SCAMP1: variants seen among roughly 807,000 people sequenced by gnomAD.
SCAMP1 encodes the protein secretory carrier membrane protein 1.
SCAMP1 carries 15 observed loss-of-function variants against 41.8 expected under a neutral mutation model. That is an observed-to-expected ratio of 0.36 (90% CI 0.24 to 0.55). SCAMP1 has a LOEUF of 0.55. SCAMP1 is among the 20% of genes least tolerant of loss of function. The pLI, the probability that SCAMP1 is intolerant of heterozygous loss-of-function variation, is 0.86. For missense variants in SCAMP1, 341 were observed against 412.6 expected, an observed-to-expected ratio of 0.83 and a Z score of 1.50; for synonymous variants, 135 against 136.8, an observed-to-expected ratio of 0.99 and a Z score of 0.09.
intron 2 of SCAMP1, among the ~76,000 whole-genome samples, chr5:78,393,058 T>C (rs574322261): frequency 6.6e-6 from 1 of 152,316 alleles, no homozygotes; most frequent in Non-Finnish European, 1.5e-5. Context: ...ATTTAGAAAG[T>C]TCCTGCCCTG....
chr5:78,372,549 TAA>T (rs11301637), intron 1 of SCAMP1, among the ~76,000 whole-genome samples: 1 of 149,154 alleles, frequency 6.7e-6, no homozygotes, highest in Non-Finnish European at 1.5e-5. Flanking sequence ...GCTCAGATAT[TAA>T]AAAAAAAAAT....
chr5:78,476,581 T>G lies in SCAMP1; in HGVS notation c.*913T>G, dbSNP rs1436088450. ...ACTAAGATTGTGTCTGGCAGCTCTT[T>G]TTTGGGGATGTGTGTGTGTGATTTT... On this transcript the variant is annotated 3_prime_UTR_variant, in exon 9 of 9. Coordinates refer to ENST00000621999, the MANE Select transcript of SCAMP1 (RefSeq NM_004866.6). 1 of 152,540 alleles carries G rather than the reference T, an allele frequency of 6.6e-6. No homozygotes were observed. The allele number at this position is 152,540 out of a possible 1,614,324, so 9.4% of individuals were successfully genotyped here. A position where few individuals can be genotyped will look rare whatever the true frequency, so the allele number is the denominator to read the frequency against.
intron 7 of SCAMP1, among the ~76,000 whole-genome samples, chr5:78,451,672 G>GAAA: frequency 6.6e-6 from 1 of 152,034 alleles, no homozygotes; most frequent in Non-Finnish European, 1.5e-5. Context: ...TTGATTGATT[G>GAAA]ATTGAGACAG....
At chr5:78,408,194 TG>T (rs1448517580) in intron 2 of SCAMP1, among the ~76,000 whole-genome samples, 1 of 152,026 alleles carries the variant, frequency 6.6e-6, no homozygotes, top group African/African-American at 2.4e-5. Flanking sequence ...ACAATCATGG[TG>T]GGAGGTGAAG....
chr5:78,418,106 C>T (rs983715771), intron 4 of SCAMP1, among the ~76,000 whole-genome samples: 1 of 151,824 alleles, frequency 6.6e-6, no homozygotes, highest in Non-Finnish European at 1.5e-5. Context: ...TTTCCCTTTA[C>T]AGTTTGAATT....
chr5:78,418,952 G>T (rs761931244), intron 5 of SCAMP1, 49 bp downstream of exon 5: 10 of 1,467,092 alleles, frequency 6.8e-6, no homozygotes, highest in Non-Finnish European at 9.2e-6. Context: ...TATTTTTGTT[G>T]TCAAAATCCG....
intron 1 of SCAMP1, 34 bp from the exon 2 acceptor site, chr5:78,388,803 T>G: frequency 1.8e-6 from 2 of 1,118,784 alleles, no homozygotes; most frequent in South Asian, 2.8e-5. Flanking sequence ...AAAGGATAAG[T>G]AATCTTTTTT....
intron 1 of SCAMP1, among the ~76,000 whole-genome samples, chr5:78,379,476 G>A (rs553509648): frequency 1.3e-5 from 2 of 152,224 alleles, no homozygotes; most frequent in South Asian, 4.1e-4. Flanking sequence ...TTGGTATATT[G>A]TGTACATGCT....
chr5:78,463,765 T>A (rs1753673238), intron 8 of SCAMP1, among the ~76,000 whole-genome samples: 1 of 152,140 alleles, frequency 6.6e-6, no homozygotes, highest in Admixed American at 6.5e-5. Flanking sequence ...TAAAATTAGG[T>A]TGTGTAGATA....
At chr5:78,471,211 T>C (rs774050457) in intron 8 of SCAMP1, among the ~76,000 whole-genome samples, 3 of 152,148 alleles carry the variant, frequency 2.0e-5, no homozygotes, top group Non-Finnish European at 4.4e-5. Flanking sequence ...GGATTGGCGG[T>C]ACTCTCAATA....
chr5:78,360,642 G>A lies in SCAMP1; in HGVS notation c.-30G>A. Reference sequence around the variant, plus strand: ...GCCTCGTCTCTCTCTCTGCGCCTGGGTCGGGTGGGTGACGCCGAGAGCCAG... The same window carrying A: ...GCCTCGTCTCTCTCTCTGCGCCTGGATCGGGTGGGTGACGCCGAGAGCCAG... On this transcript the variant is annotated 5_prime_UTR_variant, in exon 1 of 9. Transcript: ENST00000621999. The A allele has an allele frequency of 1.9e-6, 3 of 1,597,306 alleles. No homozygotes were observed. The highest frequency in any genetic ancestry group is 2.6e-6 in the Non-Finnish European group (3 of 1,172,754).
At chr5:78,363,545 G>A (rs1016181576) in intron 1 of SCAMP1, among the ~76,000 whole-genome samples, 1 of 152,216 alleles carries the variant, frequency 6.6e-6, no homozygotes, top group Non-Finnish European at 1.5e-5. Context: ...AGTATTTGAA[G>A]ATAAAGCTCT....
At chr5:78,434,474 C>T (rs1752695059) in intron 6 of SCAMP1, among the ~76,000 whole-genome samples, 1 of 152,080 alleles carries the variant, frequency 6.6e-6, no homozygotes, top group African/African-American at 2.4e-5. Context: ...TAGGAAAGTT[C>T]CTTCTTAGAC....
intron 6 of SCAMP1, among the ~76,000 whole-genome samples, chr5:78,432,840 C>T (rs774486479): frequency 6.6e-6 from 1 of 152,046 alleles, no homozygotes; most frequent in Non-Finnish European, 1.5e-5. Flanking sequence ...ACTTCTTTAT[C>T]GTCGCTTTCT....
At chr5:78,459,934 C>T (rs1334157270) in intron 8 of SCAMP1, among the ~76,000 whole-genome samples, 7 of 151,984 alleles carry the variant, frequency 4.6e-5, no homozygotes, top group East Asian at 3.8e-4. Context: ...TTTGGGTCCC[C>T]GGTGTCTGTT....
At chr5:78,418,330 T>G (rs1319030382) in intron 4 of SCAMP1, among the ~76,000 whole-genome samples, 1 of 152,168 alleles carries the variant, frequency 6.6e-6, no homozygotes, top group Admixed American at 6.5e-5. Context: ...TTTCTCCACT[T>G]GAGATAGGAA....
At chr5:78,443,615 G>C (rs1438543540) in intron 6 of SCAMP1, among the ~76,000 whole-genome samples, 1 of 141,990 alleles carries the variant, frequency 7.0e-6, no homozygotes, top group East Asian at 2.1e-4. Context: ...TTTCATTCCA[G>C]TCCTGTGCTT....
At chr5:78,413,246 A>C (rs1752125750) in intron 2 of SCAMP1, among the ~76,000 whole-genome samples, 3 of 152,100 alleles carry the variant, frequency 2.0e-5, no homozygotes, top group East Asian at 1.9e-4. Context: ...TTAGATATCA[A>C]GTTTCTGCAT....
At chr5:78,387,896 G>C (rs1361455435) in intron 1 of SCAMP1, among the ~76,000 whole-genome samples, 1 of 152,232 alleles carries the variant, frequency 6.6e-6, no homozygotes, top group Admixed American at 6.5e-5. Flanking sequence ...AAGTACGCTG[G>C]TTTTGTGTTG....
Sources: gnomAD v4.1 joint callset for allele counts (sites outside exome capture counted in the v4.1 genomes callset) on GRCh38, gnomAD v4.1.1 for gene constraint, MANE v1.5 for transcripts, NCBI Gene and HGNC (gene_info 2026-07-23, HGNC 2026-07-21) for gene names.